TRMT13: variants seen among roughly 807,000 people sequenced by gnomAD.
The protein encoded by TRMT13 is tRNA methyltransferase 13.
TRMT13 carries 45 observed loss-of-function variants against 55.9 expected under a neutral mutation model. The observed-to-expected ratio is 0.80, with a 90% CI of 0.63 to 1.03. The LOEUF (loss-of-function observed/expected upper bound fraction) is 1.03, where lower values mean the gene tolerates loss of function less well. Among genes scored for constraint, TRMT13 ranks in the 50% least tolerant of loss-of-function variants. TRMT13 has a pLI of 0.00. For missense variants in TRMT13, 513 were observed against 563.9 expected, an observed-to-expected ratio of 0.91 and a Z score of 0.91; for synonymous variants, 183 against 196.3, an observed-to-expected ratio of 0.93 and a Z score of 0.57.
chr1:100,149,710 A>G lies in TRMT13; in HGVS notation c.*890A>G. The G allele has an allele frequency of 7.5e-6, 2 of 265,396 alleles. No homozygotes were observed. The highest frequency in any genetic ancestry group is 1.0e-4 in the South Asian group (2 of 19,432). 16.4% of individuals were successfully genotyped at this position (265,396 alleles called of 1,614,324 possible). On this transcript the variant is annotated 3_prime_UTR_variant, in exon 11 of 11. Transcript: ENST00000370141. ...CTCAAATTTAGGCCTTATTTAACTC[A>G]TGACTGGTTTCTATGCACAAGAAAA...
chr1:100,143,147 AAC>A lies in TRMT13; in HGVS notation c.684_685del (p.His228GlnfsTer8). On this transcript the variant is annotated frameshift_variant, in exon 8 of 11. Transcript: ENST00000370141. LOFTEE classifies it high-confidence loss of function. Reference sequence around the variant, plus strand: ...GTTCTGTTTGTGCAGGTGGATGGAAAACACAGAAAGAAAAATTCAGTGTTTGA... The same window carrying A: ...GTTCTGTTTGTGCAGGTGGATGGAAAACAGAAAGAAAAATTCAGTGTTTGA... The A allele has an allele frequency of 1.2e-6, 2 of 1,608,770 alleles. No homozygotes were observed. The highest frequency in any genetic ancestry group is 1.7e-6 in the Non-Finnish European group (2 of 1,176,302).
Position 100,148,084 on chromosome 1 carries a change from T to C in TRMT13, c.1008T>C (p.Cys336=). ...PVAGIVIALC[C]HHRCDWRHYV... is the part of the protein sequence containing the mutation. ...CTGGCATTGTTATTGCACTCTGTTG[T>C]CACCACAGGTGTGATTGGAGACATT... The change falls in exon 10 of 11, where the codon TGT becomes TGC. Residue 336 remains cysteine, a synonymous_variant. Coordinates refer to ENST00000370141, the MANE Select transcript of TRMT13 (RefSeq NM_019083.3). 3 of 1,614,246 alleles carry C rather than the reference T, an allele frequency of 1.9e-6. No homozygotes were observed. The highest frequency in any genetic ancestry group is 2.5e-6 in the Non-Finnish European group (3 of 1,180,044).
chr1:100,137,189 T>C, intron 3 of TRMT13, 104 bp downstream of exon 3: 1 of 977,972 alleles, frequency 1.0e-6, no homozygotes, highest in Non-Finnish European at 1.5e-6. Flanking sequence ...GAACCCAAGC[T>C]CAGGAAATAT....
At position 100,147,909 on chromosome 1, in the gene TRMT13, G is replaced by A. The variant is rs760574963; in HGVS notation, c.833G>A (p.Cys278Tyr). 6.2e-7 allele frequency: 1 copy of A among 1,602,596 alleles called. No homozygotes were observed. The highest frequency in any genetic ancestry group is 1.1e-5 in the South Asian group (1 of 89,666). The change falls in exon 10 of 11, where the codon TGT becomes TAT. Residue 278 changes from cysteine (C) to tyrosine (Y), a missense_variant. This residue lies in a region of TRMT13 where 209 missense variants were observed against 255.8 expected (regional missense o/e 0.82). Coordinates refer to ENST00000370141, the MANE Select transcript of TRMT13 (RefSeq NM_019083.3). ...GTGTTTGCAGATCTTGCATTACGAT[G>A]TTTGGTTGAAACCTATGCTGCCAGT... is the stretch of plus-strand genomic sequence containing the variant. ...CGMATDLALR[C>Y]LVETYAASFE...
At chr1:100,137,649 C>T (rs1656054201) in intron 3 of TRMT13, among the ~76,000 whole-genome samples, 1 of 152,134 alleles carries the variant, frequency 6.6e-6, no homozygotes, top group African/African-American at 2.4e-5. Flanking sequence ...GCTTGGTATA[C>T]AAGCTCCCTT....
In TRMT13 at chr1:100,149,049, T is replaced by G; in HGVS notation, c.*229T>G. ...AGGGCATCTTGAATTATATTATCCA[T>G]CCGTATTTATGGAGATTGGTAAAGT... On this transcript the variant is annotated 3_prime_UTR_variant, in exon 11 of 11. Transcript: ENST00000370141. 1 of 1,592,210 alleles carries G rather than the reference T, an allele frequency of 6.3e-7. No individual in the cohort carries two copies. Among genetic ancestry groups the G allele is most frequent in the Non-Finnish European group, 8.5e-7 (1 of 1,171,874 alleles).
At position 100,148,173 on chromosome 1, in the gene TRMT13, G is replaced by A. The variant is rs754518148; in HGVS notation, c.1097G>A (p.Arg366Gln). Residue 366 changes from arginine to glutamine, a missense_variant, in exon 10 of 11, where the codon CGA becomes CAA. Coordinates refer to ENST00000370141, the MANE Select transcript of TRMT13 (RefSeq NM_019083.3). ...GCAGTGGAATTCCATTATTTCCAGCGAATGAGTAGTTGGGCAACTTGTGGG... is the reference window on the plus strand; with the variant it reads ...GCAGTGGAATTCCATTATTTCCAGCAAATGAGTAGTTGGGCAACTTGTGGG... Reference protein sequence around the residue: ...LGAVEFHYFQRMSSWATCGMR... With the variant: ...LGAVEFHYFQQMSSWATCGMR... The A allele has an allele frequency of 5.0e-6, 8 of 1,614,140 alleles. No individual in the cohort carries two copies. The highest frequency in any genetic ancestry group is 5.9e-6 in the Non-Finnish European group (7 of 1,180,028).
At chr1:100,143,029 A>T (rs369120469) in intron 7 of TRMT13, 108 bp from the exon 8 acceptor site, 9 of 660,718 alleles carry the variant, frequency 1.4e-5, no homozygotes, top group African/African-American at 1.1e-4. Flanking sequence ...TAATTTTTAA[A>T]TATGTTCTGT....
chr1:100,142,014 G>A (rs1297062252), intron 7 of TRMT13, among the ~76,000 whole-genome samples: 1 of 152,216 alleles, frequency 6.6e-6, no homozygotes, highest in Non-Finnish European at 1.5e-5. Flanking sequence ...TTATGCTAAG[G>A]AAGGAGTTTG....
In TRMT13 at chr1:100,147,890, G is replaced by A. The variant is rs778904984; in HGVS notation, c.818-4G>A. 6.3e-7 allele frequency: 1 copy of A among 1,585,968 alleles called. No individual in the cohort carries two copies. Among genetic ancestry groups the A allele is most frequent in the Non-Finnish European group, 8.6e-7 (1 of 1,167,802 alleles). On this transcript the variant is annotated splice_polypyrimidine_tract_variant and splice_region_variant and intron_variant, in intron 9 of 10. Coordinates refer to ENST00000370141, the MANE Select transcript of TRMT13 (RefSeq NM_019083.3). The stretch of plus-strand genomic sequence containing the variant: ...TTGGGGGGGCCACATAATTGTGTTT[G>A]CAGATCTTGCATTACGATGTTTGGT...
In TRMT13 at chr1:100,148,237, A is replaced by G; in HGVS notation, c.1161A>G (p.Thr387=). Residue 387 remains threonine, a synonymous_variant, in exon 10 of 11, where the codon ACA becomes ACG. Transcript: ENST00000370141. Reference sequence around the variant, plus strand: ...CTTTGGAAACCTCAAATAGTACCACAAAGAGGCAAGATAATCAGAATGATG... The same window carrying G: ...CTTTGGAAACCTCAAATAGTACCACGAAGAGGCAAGATAATCAGAATGATG... ...KTSLETSNST[T]KRQDNQNDDS... is the part of the protein sequence containing the mutation. 6.2e-7 allele frequency: 1 copy of G among 1,614,232 alleles called. No homozygotes were observed. The highest frequency in any genetic ancestry group is 1.3e-5 in the African/African-American group (1 of 75,066).
At chr1:100,148,429 A>T in intron 10 of TRMT13, 103 bp downstream of exon 10, 2 of 1,286,620 alleles carry the variant, frequency 1.6e-6, no homozygotes, top group Admixed American at 2.3e-5. Context: ...GTATTTTATA[A>T]TCTAATTTTA....
chr1:100,139,654 C>T lies in TRMT13; in HGVS notation c.267C>T (p.Phe89=), dbSNP rs1570736026. ...ATGGTTTTGTTTTTGTTAAGGATTT[C>T]TATATTCAAGATATTAATGCAGGCT... ...CNSREKPKPD[F]YIQDINAGLR... Residue 89 remains phenylalanine, a synonymous_variant, in exon 4 of 11, where the codon TTC becomes TTT. Coordinates refer to ENST00000370141, the MANE Select transcript of TRMT13 (RefSeq NM_019083.3). 6.5e-7 allele frequency: 1 copy of T among 1,537,262 alleles called. No individual in the cohort carries two copies. The highest frequency in any genetic ancestry group is 2.3e-5 in the East Asian group (1 of 44,202).
chr1:100,143,980 T>C, intron 8 of TRMT13, 89 bp from the exon 9 acceptor site: 1 of 1,100,544 alleles, frequency 9.1e-7, no homozygotes, highest in Non-Finnish European at 1.3e-6. Flanking sequence ...AGGCTAAAAT[T>C]CAGAGACTCT....
chr1:100,150,296 C>G lies in TRMT13; in HGVS notation c.*1476C>G, dbSNP rs1177145074. ...CTCTTTAAGTTGTTAACTTTTTTCC[C>G]TTGTTATAAGTTTTATGTCAAGTAA... On this transcript the variant is annotated 3_prime_UTR_variant, in exon 11 of 11. Transcript: ENST00000370141. 2 of 151,966 alleles carry G rather than the reference C, an allele frequency of 1.3e-5. No individual in the cohort carries two copies. Among genetic ancestry groups the G allele is most frequent in the Admixed American group, 6.6e-5 (1 of 15,252 alleles). The allele number at this position is 151,966 out of a possible 1,614,324, so 9.4% of individuals were successfully genotyped here. A position where few individuals can be genotyped will look rare whatever the true frequency, so the allele number is the denominator to read the frequency against.
chr1:100,137,175 T>C (rs1050456082), intron 3 of TRMT13, 90 bp downstream of exon 3: 2 of 1,106,894 alleles, frequency 1.8e-6, no homozygotes, highest in Non-Finnish European at 1.3e-6. Context: ...GTTTCATAGC[T>C]GAGGAACCCA....
rs1656470991 is a variant in TRMT13, at chr1:100,140,497, AAGCACCTGAAAC to A, written c.489_500del (p.His163_Gln166del). ...CCCTAAAAATGGCGATTCTGCAACC[AAGCACCTGAAAC>A]AGCAGGTATGTTTAGGCTATAGTAA... On this transcript the variant is annotated inframe_deletion, in exon 6 of 11. Transcript: ENST00000370141. 2 of 1,613,246 alleles carry A rather than the reference AAGCACCTGAAAC, an allele frequency of 1.2e-6. No individual in the cohort carries two copies. Among genetic ancestry groups the A allele is most frequent in the South Asian group, 1.1e-5 (1 of 91,070 alleles).
intron 3 of TRMT13, among the ~76,000 whole-genome samples, chr1:100,138,834 T>C (rs1440231017): frequency 6.6e-6 from 1 of 152,240 alleles, no homozygotes; most frequent in Non-Finnish European, 1.5e-5. Flanking sequence ...GTGGCTGCCA[T>C]ATTGGCCAGA....
At chr1:100,133,354 G>A in intron 1 of TRMT13, 39 bp downstream of exon 1, 1 of 1,604,228 alleles carries the variant, frequency 6.2e-7, no homozygotes, top group Non-Finnish European at 8.5e-7. Context: ...TCGGAAATAA[G>A]TATCCTGGTC....
Sources: gnomAD v4.1 joint callset for allele counts (sites outside exome capture counted in the v4.1 genomes callset) on GRCh38, gnomAD v4.1.1 for gene constraint, gnomAD v4.1.1 regional missense constraint, MANE v1.5 for transcripts, NCBI Gene and HGNC (gene_info 2026-07-23, HGNC 2026-07-21) for gene names.